UBR1: variants seen among roughly 807,000 people sequenced by gnomAD.
UBR1 encodes the protein ubiquitin protein ligase E3 component n-recognin 1, also known as E3 ubiquitin-protein ligase UBR1.
A neutral mutation model predicts 242.1 loss-of-function variants in UBR1; 102 were observed. That is an observed-to-expected ratio of 0.42 (90% CI 0.36 to 0.50). The LOEUF (loss-of-function observed/expected upper bound fraction) is 0.50. Among genes scored for constraint, UBR1 ranks in the 20% least tolerant of loss-of-function variants. The pLI, the probability that UBR1 is intolerant of heterozygous loss-of-function variation, is 0.01. For synonymous variants in UBR1, 675 were observed against 684.8 expected (o/e 0.99, Z 0.22); for missense variants, 1,772 against 2,101.8 (o/e 0.84, Z 3.07).
At chr15:42,999,174 C>A (rs2032685958) in intron 32 of UBR1, among the ~76,000 whole-genome samples, 1 of 152,010 alleles carries the variant, frequency 6.6e-6, no homozygotes, top group East Asian at 1.9e-4. Flanking sequence ...CTCTTGACCT[C>A]GTGATCCGCC....
rs1393075871 is a variant in UBR1 at position 43,060,169 on chromosome 15, A to G, written c.799-55T>C. The G allele has an allele frequency of 5.3e-6, 8 of 1,519,120 alleles. No homozygotes were observed. The South Asian group carries it at 5.6e-5, about 11-fold the overall frequency. 94.1% of individuals were successfully genotyped at this position (1,519,120 alleles called of 1,614,324 possible). On this transcript the variant is annotated intron_variant, in intron 6 of 46. Transcript: ENST00000290650. ...AGTGAAATGATAACCACAATCAATA[A>G]GCAATATGTAGCCCAAAGACTTAAT...
intron 20 of UBR1, 24 bp from the exon 21 acceptor site, chr15:43,030,092 A>C (rs1034969850): frequency 1.9e-6 from 3 of 1,610,598 alleles, no homozygotes; most frequent in Admixed American, 3.3e-5. Flanking sequence ...TTAAAAACAA[A>C]AAAAAAGTAG....
At chr15:42,956,069 TG>T (rs1181236273) in intron 44 of UBR1, among the ~76,000 whole-genome samples, 1 of 152,000 alleles carries the variant, frequency 6.6e-6, no homozygotes, top group African/African-American at 2.4e-5. Flanking sequence ...TTGATTGAGG[TG>T]GGGGGATGGT....
intron 26 of UBR1, among the ~76,000 whole-genome samples, chr15:43,021,649 C>G (rs1458617842): frequency 6.6e-6 from 1 of 152,156 alleles, no homozygotes; most frequent in Non-Finnish European, 1.5e-5. Context: ...AAAAAAAAGT[C>G]TGTACATGTT....
At chr15:43,006,445 A>G (rs540557387) in intron 30 of UBR1, among the ~76,000 whole-genome samples, 4 of 152,176 alleles carry the variant, frequency 2.6e-5, no homozygotes, top group Non-Finnish European at 5.9e-5. Flanking sequence ...CCTGGCTAAT[A>G]TGTTTGTAAA....
intron 19 of UBR1, among the ~76,000 whole-genome samples, chr15:43,033,660 G>GA (rs985923410): frequency 8.0e-5 from 12 of 150,142 alleles, no homozygotes; most frequent in African/African-American, 2.2e-4. Context: ...TCTCAAAAAG[G>GA]AAAAAAAAAT....
intron 27 of UBR1, among the ~76,000 whole-genome samples, chr15:43,018,824 T>C (rs963660942): frequency 1.3e-5 from 2 of 152,240 alleles, no homozygotes; most frequent in Non-Finnish European, 1.5e-5. Context: ...CATGTGCTTT[T>C]CAGATATTTT....
intron 30 of UBR1, among the ~76,000 whole-genome samples, chr15:43,006,106 G>GAAAAAAAAAAAAAAAAAAAAAAAAAAAA (rs1235960946): frequency 2.7e-5 from 3 of 111,464 alleles, no homozygotes; most frequent in Non-Finnish European, 3.8e-5. Context: ...AAAAAAAAAA[G>GAAAAAAAAAAAAAAAAAAAAAAAAAAAA]AAAAAAAAAA....
intron 33 of UBR1, among the ~76,000 whole-genome samples, chr15:42,993,816 G>A (rs1430492293): frequency 6.6e-6 from 1 of 151,716 alleles, no homozygotes; most frequent in African/African-American, 2.4e-5. Context: ...CCAGCCTGGG[G>A]GGCAGAGCGA....
In UBR1 at chr15:43,029,915, C is replaced by A. The variant is rs3736054; in HGVS notation, c.2379+29G>T. 1,377,944 of 1,612,934 alleles carry A rather than the reference C, an allele frequency of 0.85. 589,272 individuals carry two copies. Among genetic ancestry groups the A allele is most frequent in the Middle Eastern group, 0.88 (5,337 of 6,058 alleles). On this transcript the variant is annotated intron_variant, in intron 21 of 46. Coordinates refer to ENST00000290650, the MANE Select transcript of UBR1 (RefSeq NM_174916.3). Reference sequence around the variant, plus strand: ...GAAACATCTACCCCATCTTGAGGTACATAGAGATAAAACCAAAATCAGACT... The same window carrying A: ...GAAACATCTACCCCATCTTGAGGTAAATAGAGATAAAACCAAAATCAGACT...
intron 25 of UBR1, among the ~76,000 whole-genome samples, chr15:43,023,015 G>A (rs1020312181): frequency 9.2e-5 from 14 of 151,684 alleles, no homozygotes; most frequent in African/African-American, 2.7e-4. Flanking sequence ...AGGTGCACAC[G>A]ACCACGCCCA....
chr15:43,083,568 G>C (rs911460863), intron 2 of UBR1, among the ~76,000 whole-genome samples: 1 of 151,688 alleles, frequency 6.6e-6, no homozygotes, highest in Non-Finnish European at 1.5e-5. Flanking sequence ...TTTTAGCAGA[G>C]ACAGGGTTTC....
At chr15:43,026,778 T>C (rs2033183750) in intron 22 of UBR1, 115 bp from the exon 23 acceptor site, 1 of 843,990 alleles carries the variant, frequency 1.2e-6, no homozygotes, top group Non-Finnish European at 1.9e-6. Context: ...AAATTATGTC[T>C]CATTTAGCTT....
chr15:42,962,491 CT>C (rs1047356547), intron 42 of UBR1, among the ~76,000 whole-genome samples: 25 of 149,234 alleles, frequency 1.7e-4, no homozygotes, highest in African/African-American at 9.8e-5. Context: ...TGGGGCCTCT[CT>C]TTTTTTTTTC....
intron 29 of UBR1, among the ~76,000 whole-genome samples, chr15:43,011,437 A>G (rs1240667374): frequency 6.6e-6 from 1 of 152,216 alleles, no homozygotes; most frequent in Non-Finnish European, 1.5e-5. Context: ...TCAGTAAGAC[A>G]AGAGGAAAGC....
At chr15:43,084,590 G>A (rs2034012471) in intron 2 of UBR1, among the ~76,000 whole-genome samples, 2 of 152,050 alleles carry the variant, frequency 1.3e-5, no homozygotes, top group African/African-American at 2.4e-5. Flanking sequence ...CGAGTAGCTC[G>A]GATCACAGGC....
intron 1 of UBR1, among the ~76,000 whole-genome samples, chr15:43,105,389 T>C (rs1361563991): frequency 6.6e-6 from 1 of 152,228 alleles, no homozygotes; most frequent in Admixed American, 6.5e-5. Context: ...TTGGGAGTCC[T>C]TTCTTCACCT....
intron 14 of UBR1, among the ~76,000 whole-genome samples, chr15:43,045,429 T>C (rs1388144209): frequency 1.3e-5 from 2 of 152,138 alleles, no homozygotes; most frequent in African/African-American, 4.8e-5. Flanking sequence ...ATAGCGCCAC[T>C]ATACTCCAGC....
intron 11 of UBR1, among the ~76,000 whole-genome samples, chr15:43,055,261 A>G (rs955328957): frequency 6.6e-6 from 1 of 152,144 alleles, no homozygotes; most frequent in African/African-American, 2.4e-5. Flanking sequence ...CCTGGTCAAC[A>G]TGGCAAAACC....
Sources: gnomAD v4.1 joint callset for allele counts (sites outside exome capture counted in the v4.1 genomes callset) on GRCh38, gnomAD v4.1.1 for gene constraint, MANE v1.5 for transcripts, NCBI Gene and HGNC (gene_info 2026-07-23, HGNC 2026-07-21) for gene names.